The following DNAAF9 variants were observed in gnomAD, a reference collection of about 807,000 sequenced individuals.
DNAAF9 encodes dynein axonemal assembly factor 9.
A neutral mutation model predicts 167.0 loss-of-function variants in DNAAF9; 90 were observed. The ratio of observed to expected loss-of-function variants is 0.54; its 90% CI spans 0.45 to 0.64. The LOEUF is 0.64. Ranked by LOEUF, DNAAF9 falls within the 30% of genes least tolerant of loss-of-function variation. The pLI is 0.00. For synonymous variants in DNAAF9, 491 were observed against 508.8 expected (o/e 0.96, Z 0.47); for missense variants, 1,315 against 1,442.2 (o/e 0.91, Z 1.43).
chr20:3,400,464 T>C (rs2083967567), intron 1 of DNAAF9, among the ~76,000 whole-genome samples: 1 of 141,664 alleles, frequency 7.1e-6, no homozygotes, highest in Admixed American at 6.7e-5. Context: ...GAAGAGTATA[T>C]AGGAACACTC....
rs374688014 is a variant in DNAAF9, at chr20:3,382,490, G to A, written c.100C>T (p.Gln34Ter). ...CTCTGGGTCAGGATGCTCTGAACCT[G>A]CCGAAGTCGACTGCAGCTGCAACAA... ...SPSVSCSRLR[Q>*]VQSILTQSSK... The change falls in exon 2 of 37, where the codon CAG becomes TAG. Residue 34 changes from glutamine to a stop codon, truncating the protein, a stop_gained. Coordinates refer to ENST00000252032, the MANE Select transcript of DNAAF9 (RefSeq NM_001009984.3). LOFTEE classifies it high-confidence loss of function. 1 of 1,613,654 alleles carries A rather than the reference G, an allele frequency of 6.2e-7. No individual in the cohort carries two copies. The highest frequency in any genetic ancestry group is 1.3e-5 in the African/African-American group (1 of 74,908).
In DNAAF9 at chr20:3,261,343, CTTTAT is replaced by C. The variant is rs551887051; in HGVS notation, c.2874-1320_2874-1316del. ...TGAGTCACTGTGCCTAGCCTGTTTC[CTTTAT>C]TTTAATTAATTAATTAATTAATTTT... is the stretch of plus-strand genomic sequence containing the variant. On this transcript the variant is annotated intron_variant, in intron 31 of 36. Coordinates refer to ENST00000252032, the MANE Select transcript of DNAAF9 (RefSeq NM_001009984.3). Among the ~76,000 whole-genome samples, 622 of 151,674 alleles carry C rather than the reference CTTTAT, an allele frequency of 4.1e-3. 8 individuals carry two copies. Among genetic ancestry groups the C allele is most frequent in the African/African-American group, 0.014 (594 of 41,356 alleles).
chr20:3,327,613 A>T (rs1482000513), intron 12 of DNAAF9, among the ~76,000 whole-genome samples: 1 of 152,198 alleles, frequency 6.6e-6, no homozygotes, highest in Non-Finnish European at 1.5e-5. Flanking sequence ...AGGAGTTTGA[A>T]AGTGGGAAAA....
chr20:3,383,271 C>CT (rs11087581), intron 1 of DNAAF9, among the ~76,000 whole-genome samples: 49,395 of 114,148 alleles, frequency 0.43, 12,319 homozygotes, highest in Middle Eastern at 0.6. Flanking sequence ...TTCCCTAACA[C>CT]TTTTTTTTTT....
chr20:3,283,271 T>A (rs1267242694), intron 27 of DNAAF9, among the ~76,000 whole-genome samples: 1 of 152,224 alleles, frequency 6.6e-6, no homozygotes. Context: ...GGTGGTGGTA[T>A]GGACAGGTAC....
rs139836533 is a variant in DNAAF9 at position 3,317,485 on chromosome 20, A to C, written c.1469-692T>G. Among the ~76,000 whole-genome samples the C allele has an allele frequency of 2.8e-3, 420 of 152,224 alleles. 1 individual carries two copies. Among genetic ancestry groups the C allele is most frequent in the African/African-American group, 9.5e-3 (395 of 41,542 alleles). On this transcript the variant is annotated intron_variant, in intron 17 of 36. Transcript: ENST00000252032. Reference sequence around the variant, plus strand: ...GTATACATATTAAAGATCAAAGAGAATTATCAGGCTCATTCTACCATTCTT... The same window carrying C: ...GTATACATATTAAAGATCAAAGAGACTTATCAGGCTCATTCTACCATTCTT...
intron 29 of DNAAF9, among the ~76,000 whole-genome samples, chr20:3,273,056 C>T (rs922656686): frequency 5.3e-5 from 8 of 152,156 alleles, no homozygotes; most frequent in Non-Finnish European, 8.8e-5. Flanking sequence ...GTCTCGAACT[C>T]CTGACCTCAG....
rs991649383 is a variant in DNAAF9, at chr20:3,324,929, C to T, written c.1228G>A (p.Asp410Asn). The change falls in exon 14 of 37, where the codon GAT (aspartate) becomes AAT (asparagine). Residue 410 changes from aspartate to asparagine, a missense_variant. Coordinates refer to ENST00000252032, the MANE Select transcript of DNAAF9 (RefSeq NM_001009984.3). Reference protein sequence around the residue: ...VAEQTLGSGLDSFELIPFKAA... With the variant: ...VAEQTLGSGLNSFELIPFKAA... ...TTAAACGGAATCAACTCAAAGGAAT[C>T]TAACCCAGATCCCAGAGTTTGCTCT... The T allele has an allele frequency of 3.7e-6, 6 of 1,609,430 alleles. No individual in the cohort carries two copies. In the African/African-American group the frequency reaches 8.0e-5, roughly 21 times the overall value.
At chr20:3,305,234 GATGGA>G (rs2122990500) in intron 20 of DNAAF9, among the ~76,000 whole-genome samples, 2 of 152,198 alleles carry the variant, frequency 1.3e-5, no homozygotes, top group Non-Finnish European at 2.9e-5. Context: ...CCATGGAAAA[GATGGA>G]CAACTAAGAT....
At chr20:3,296,446 C>A in intron 23 of DNAAF9, 1 of 297,200 alleles carries the variant, frequency 3.4e-6, no homozygotes, top group East Asian at 8.3e-5. Context: ...GGCATGGTCA[C>A]GGCTCACTGC....
At chr20:3,322,752 C>CCCTGCACAGGTAT in intron 14 of DNAAF9, 56 bp from the exon 15 acceptor site, 2 of 1,270,650 alleles carry the variant, frequency 1.6e-6, no homozygotes, top group Non-Finnish European at 2.3e-6. Flanking sequence ...TCCTCAGATA[C>CCCTGCACAGGTAT]CTGTGCAGGG....
rs2083332780 is a variant in DNAAF9 at position 3,359,581 on chromosome 20, T to C, written c.625A>G (p.Ser209Gly). The C allele has an allele frequency of 2.5e-6, 4 of 1,611,382 alleles. No homozygotes were observed. The highest frequency in any genetic ancestry group is 3.4e-6 in the Non-Finnish European group (4 of 1,178,732). The change falls in exon 7 of 37, where the codon AGT (serine) becomes GGT (glycine). Residue 209 changes from serine (S) to glycine (G), a missense_variant. Transcript: ENST00000252032. ...FTMKYELQDV[S>G]LNLWNVYSKM... ...CTGTAGACATTCCATAGATTCAAAC[T>C]CACATCCTGCAACTGCAACAGAGGG...
chr20:3,353,417 G>A lies in DNAAF9; in HGVS notation c.691-4794C>T, dbSNP rs550566213. ...GGAGTGGGCAGATCACCTGAGCCCA[G>A]GAGTTTGAGACCAGCCCGGGCAACA... On this transcript the variant is annotated intron_variant, in intron 7 of 36. Transcript: ENST00000252032. Among the ~76,000 whole-genome samples the A allele has an allele frequency of 1.9e-4, 29 of 152,210 alleles. 1 individual carries two copies. In the South Asian group the frequency reaches 4.1e-3, roughly 22 times the overall value.
intron 20 of DNAAF9, among the ~76,000 whole-genome samples, chr20:3,308,633 C>T (rs1031757609): frequency 1.3e-5 from 2 of 151,696 alleles, no homozygotes; most frequent in African/African-American, 4.8e-5. Flanking sequence ...TGTGAGCCAC[C>T]GTGCCAGACC....
At chr20:3,324,813 A>G in intron 14 of DNAAF9, 79 bp downstream of exon 14, 1 of 758,908 alleles carries the variant, frequency 1.3e-6, no homozygotes, top group South Asian at 1.6e-5. Flanking sequence ...GGGAGATGAA[A>G]TCTAAATTAT....
intron 6 of DNAAF9, among the ~76,000 whole-genome samples, chr20:3,369,907 A>T (rs905522026): frequency 2.0e-5 from 3 of 152,150 alleles, no homozygotes; most frequent in African/African-American, 7.2e-5. Flanking sequence ...ATCCAAAAAG[A>T]GTTTTATGTC....
chr20:3,381,493 C>T lies in DNAAF9; in HGVS notation c.169G>A (p.Asp57Asn), dbSNP rs777651210. The T allele has an allele frequency of 5.6e-6, 9 of 1,613,420 alleles. No individual in the cohort carries two copies. The highest frequency in any genetic ancestry group is 1.7e-5 in the Admixed American group (1 of 59,948). Residue 57 changes from aspartate to asparagine, a missense_variant, in exon 3 of 37, where the codon GAT becomes AAT. Around this residue, in one of 2 missense-constraint regions of DNAAF9, gnomAD observed 981 missense variants for 1,012.5 expected, o/e 0.97. Transcript: ENST00000252032. ...CTGCAGCCTTCATTGTACCTGCTAT[C>T]GATTCCTGCAAGGCAAAGGAGGCTC... The part of the protein sequence containing the change: ...PDGILCILGI[D>N]SRYNEGCREL...
chr20:3,340,459 CTTG>C, intron 10 of DNAAF9, 42 bp downstream of exon 10: 1 of 1,152,772 alleles, frequency 8.7e-7, no homozygotes, highest in Non-Finnish European at 1.1e-6. Flanking sequence ...ACCCCCACAA[CTTG>C]ATAATAAAAC....
At chr20:3,347,665 CG>C (rs150372918) in intron 8 of DNAAF9, among the ~76,000 whole-genome samples, 3,238 of 152,210 alleles carry the variant, frequency 0.021, 101 homozygotes, top group African/African-American at 0.073. Context: ...CGATGGCTCA[CG>C]CCTGTAATCT....
Sources: gnomAD v4.1 joint callset for allele counts (sites outside exome capture counted in the v4.1 genomes callset) on GRCh38, gnomAD v4.1.1 for gene constraint, gnomAD v4.1.1 regional missense constraint, MANE v1.5 for transcripts, NCBI Gene and HGNC (gene_info 2026-07-23, HGNC 2026-07-21) for gene names.